Variants in EYA3 observed in about 807,000 individuals in gnomAD.
EYA3 encodes the protein EYA transcriptional coactivator and phosphatase 3.
Under a neutral mutation model 80.0 loss-of-function variants are expected in EYA3, and 39 were observed. The ratio of observed to expected loss-of-function variants is 0.49; its 90% CI spans 0.38 to 0.64. The LOEUF is 0.64. EYA3 is among the 30% of genes least tolerant of loss of function. The probability of loss-of-function intolerance (pLI) is 0.00; values close to 1 mark genes in which losing one functional copy is unlikely to be tolerated. For missense variants in EYA3, 523 were observed against 676.1 expected (o/e 0.77, Z 2.51); for synonymous variants, 206 against 232.8 (o/e 0.88, Z 1.05).
intron 6 of EYA3, chr1:28,031,764 G>A (rs1050186540): frequency 1.3e-5 from 2 of 152,120 alleles, no homozygotes; most frequent in Non-Finnish European, 2.9e-5. Context: ...GTAATTTAAT[G>A]TAAGTACTTT....
intron 6 of EYA3, chr1:28,031,823 G>A (rs1643155513): frequency 6.6e-6 from 1 of 152,002 alleles, no homozygotes; most frequent in Non-Finnish European, 1.5e-5. Context: ...AACGTCTGTA[G>A]GAAAAACAGC....
At chr1:28,006,893 G>T (rs1641314154) in intron 10 of EYA3, among the ~76,000 whole-genome samples, 1 of 148,924 alleles carries the variant, frequency 6.7e-6, no homozygotes, top group Non-Finnish European at 1.5e-5. Flanking sequence ...ATCCAATTTG[G>T]AAAGGAAGAA....
At chr1:27,988,502 G>A (rs1244786350) in intron 16 of EYA3, 33 bp downstream of exon 16, 1 of 1,604,560 alleles carries the variant, frequency 6.2e-7, no homozygotes, top group Non-Finnish European at 8.5e-7. Flanking sequence ...TTTATTGCAA[G>A]GCCAGTGACA....
At chr1:27,978,639 C>T (rs1304006164) in intron 16 of EYA3, among the ~76,000 whole-genome samples, 165 bp from the exon 17 acceptor site, 4 of 152,194 alleles carry the variant, frequency 2.6e-5, no homozygotes, top group Non-Finnish European at 4.4e-5. Flanking sequence ...ATCCAGTAGA[C>T]CCTCTGCCCA....
intron 8 of EYA3, among the ~76,000 whole-genome samples, chr1:28,014,465 C>G (rs913511789): frequency 4.8e-5 from 7 of 147,288 alleles, no homozygotes; most frequent in Non-Finnish European, 8.9e-5. Flanking sequence ...CGGGAGCTCA[C>G]GCCTATAATT....
intron 3 of EYA3, 136 bp downstream of exon 3, chr1:28,048,247 C>A: frequency 2.6e-5 from 15 of 581,068 alleles, no homozygotes; most frequent in South Asian, 5.9e-5. Flanking sequence ...AATCTTAAAC[C>A]AAATAATTTC....
intron 2 of EYA3, among the ~76,000 whole-genome samples, chr1:28,053,245 T>G (rs1469462790): frequency 2.0e-5 from 3 of 150,092 alleles, no homozygotes. Context: ...CATTTTAGAA[T>G]AGACTAAAAA....
rs1007050043 is a variant in EYA3 at position 28,061,909 on chromosome 1, T to G, written c.-68-3815A>C. Among the ~76,000 whole-genome samples the G allele has an allele frequency of 1.2e-4, 18 of 152,122 alleles. No homozygotes were observed. The South Asian group carries it at 1.7e-3, about 14-fold the overall frequency. ...CCACCGCGCCCGGTCAACGGTTTTT[T>G]TTTGTTTGTTTGTTTGTTTTTACCA... On this transcript the variant is annotated intron_variant, in intron 1 of 17. Coordinates refer to ENST00000373871, the MANE Select transcript of EYA3 (RefSeq NM_001990.4).
Position 28,058,089 on chromosome 1 carries a change from C to T in EYA3, c.-63G>A. 1 of 1,378,836 alleles carries T rather than the reference C, an allele frequency of 7.3e-7. No individual in the cohort carries two copies. Among genetic ancestry groups the T allele is most frequent in the Non-Finnish European group, 9.9e-7 (1 of 1,005,030 alleles). 85.4% of individuals were successfully genotyped at this position (1,378,836 alleles called of 1,614,324 possible). A position where few individuals can be genotyped will look rare whatever the true frequency, so the allele number is the denominator to read the frequency against. On this transcript the variant is annotated 5_prime_UTR_variant, in exon 2 of 18. It removes the in-frame stop codon of an upstream open reading frame in the 5' UTR. Coordinates refer to ENST00000373871, the MANE Select transcript of EYA3 (RefSeq NM_001990.4). ...ATTGCAAGTCTCTCTCAGCAGTTTT[C>T]ACAATCTGTTTTTAAAAAGGAGGAT...
intron 16 of EYA3, among the ~76,000 whole-genome samples, chr1:27,982,000 G>C (rs965736104): frequency 2.8e-5 from 4 of 144,938 alleles, no homozygotes; most frequent in Admixed American, 1.4e-4. Flanking sequence ...CATCACACCT[G>C]GCTAATTTTT....
chr1:27,995,240 TAA>T (rs556685200), intron 13 of EYA3, among the ~76,000 whole-genome samples: 7 of 137,764 alleles, frequency 5.1e-5, no homozygotes, highest in Admixed American at 7.3e-5. Context: ...CCCCCATCTC[TAA>T]AAAAAAAAAA....
At chr1:28,077,202 C>T (rs917191468) in intron 1 of EYA3, among the ~76,000 whole-genome samples, 1 of 145,006 alleles carries the variant, frequency 6.9e-6, no homozygotes, top group Non-Finnish European at 1.5e-5. Flanking sequence ...CTCCTGGATT[C>T]AAGCGATTCT....
chr1:28,061,444 T>C (rs568865941), intron 1 of EYA3, among the ~76,000 whole-genome samples: 11 of 152,310 alleles, frequency 7.2e-5, no homozygotes, highest in African/African-American at 2.4e-4. Context: ...GTGCATGCTA[T>C]ACAATCAAAA....
chr1:28,020,277 A>G (rs1642344290), intron 7 of EYA3, among the ~76,000 whole-genome samples: 1 of 152,172 alleles, frequency 6.6e-6, no homozygotes. Flanking sequence ...TCTCTGAGCA[A>G]TAGTTGGCTT....
intron 10 of EYA3, among the ~76,000 whole-genome samples, chr1:28,006,429 G>A (rs776678574): frequency 1.5e-4 from 23 of 152,174 alleles, no homozygotes; most frequent in Admixed American, 7.2e-4. Context: ...ATAACTAGCC[G>A]GGCGCGGTGG....
chr1:27,980,638 A>G (rs956195157), intron 16 of EYA3, among the ~76,000 whole-genome samples: 1 of 152,236 alleles, frequency 6.6e-6, no homozygotes, highest in African/African-American at 2.4e-5. Context: ...GTTCAGGAGG[A>G]TGAGGCCAAT....
intron 2 of EYA3, among the ~76,000 whole-genome samples, chr1:28,052,517 T>C (rs1205056211): frequency 1.3e-5 from 2 of 152,320 alleles, no homozygotes; most frequent in East Asian, 1.9e-4. Context: ...GAAGGAAGAA[T>C]AGTCTTTTCA....
At chr1:27,978,306 T>C (rs1639076568) in intron 17 of EYA3, 68 bp downstream of exon 17, 2 of 1,107,004 alleles carry the variant, frequency 1.8e-6, no homozygotes, top group Non-Finnish European at 2.7e-6. Flanking sequence ...TAAGATTTTG[T>C]AGTTTTTCCC....
chr1:28,063,537 G>A (rs2148911880), intron 1 of EYA3, among the ~76,000 whole-genome samples: 2 of 151,416 alleles, frequency 1.3e-5, no homozygotes, highest in South Asian at 4.2e-4. Flanking sequence ...TTGTAGCGAT[G>A]GGGTTTTGCC....
Sources: allele counts gnomAD v4.1 joint callset (sites outside exome capture counted in the v4.1 genomes callset), GRCh38; gene constraint gnomAD v4.1.1; transcripts MANE v1.5; gene names NCBI Gene and HGNC (gene_info 2026-07-23, HGNC 2026-07-21).